CDKN3: variants seen among roughly 807,000 people sequenced by gnomAD.
CDKN3 encodes the protein cyclin dependent kinase inhibitor 3, also known as cyclin-dependent kinase inhibitor 3.
Under a neutral mutation model 36.1 loss-of-function variants are expected in CDKN3, and 19 were observed. That is an observed-to-expected ratio of 0.53 (90% confidence interval 0.37 to 0.77). The LOEUF is 0.77. CDKN3 is among the 30% of genes least tolerant of loss of function. CDKN3 has a pLI of 0.00. For synonymous variants in CDKN3, 71 were observed against 85.3 expected (o/e 0.83, Z 0.92); for missense variants, 188 against 248.6 (o/e 0.76, Z 1.64).
rs144464160 is a variant in CDKN3 at position 54,417,930 on chromosome 14, C to T, written c.531C>T (p.Ser177=). 80 of 1,588,258 alleles carry T rather than the reference C, an allele frequency of 5.0e-5. No homozygotes were observed. In the African/African-American group the frequency reaches 5.5e-4, roughly 11 times the overall value. Residue 177 remains serine (S), a synonymous_variant, in exon 7 of 8, where the codon TCC becomes TCT. Coordinates refer to ENST00000335183, the MANE Select transcript of CDKN3 (RefSeq NM_005192.4). ...ACAGCCTGCGAGACCTAAGAGGATCCGGGGCAATACAGACCATCAAGGTGA... is the reference window on the plus strand; with the variant it reads ...ACAGCCTGCGAGACCTAAGAGGATCTGGGGCAATACAGACCATCAAGGTGA... ...AIDSLRDLRG[S]GAIQTIKQYN...
At chr14:54,398,740 G>GT (rs1162130726) in intron 1 of CDKN3, among the ~76,000 whole-genome samples, 1 of 152,122 alleles carries the variant, frequency 6.6e-6, no homozygotes, top group Non-Finnish European at 1.5e-5. Context: ...GCAGGATTAA[G>GT]TTCCAACTGC....
intron 6 of CDKN3, among the ~76,000 whole-genome samples, chr14:54,416,931 G>A (rs1415506128): frequency 6.6e-6 from 1 of 152,232 alleles, no homozygotes. Context: ...ATGAGAAGAT[G>A]CTCAACATCA....
intron 7 of CDKN3, 96 bp downstream of exon 7, chr14:54,418,047 A>G: frequency 1.4e-6 from 1 of 716,974 alleles, no homozygotes; most frequent in Non-Finnish European, 2.5e-6. Flanking sequence ...GAAAATCCAA[A>G]AGGGCAGTGA....
At chr14:54,408,698 A>G (rs763588782) in intron 3 of CDKN3, 47 bp from the exon 4 acceptor site, 1 of 1,546,718 alleles carries the variant, frequency 6.5e-7, no homozygotes, top group Non-Finnish European at 8.7e-7. Flanking sequence ...TACCTGTTAC[A>G]TATGACGAAA....
chr14:54,418,995 C>A (rs142484066), intron 7 of CDKN3, among the ~76,000 whole-genome samples: 1 of 152,060 alleles, frequency 6.6e-6, no homozygotes, highest in African/African-American at 2.4e-5. Context: ...CTTGTCCCTA[C>A]TAAAAATACA....
At chr14:54,406,264 C>T (rs1189452965) in intron 3 of CDKN3, among the ~76,000 whole-genome samples, 7 of 152,168 alleles carry the variant, frequency 4.6e-5, no homozygotes, top group Non-Finnish European at 4.4e-5. Flanking sequence ...TCTGGCTGCT[C>T]TTTACATTTT....
chr14:54,418,856 T>C (rs1025477698), intron 7 of CDKN3, among the ~76,000 whole-genome samples: 18 of 122,098 alleles, frequency 1.5e-4, no homozygotes, highest in Non-Finnish European at 2.5e-4. Flanking sequence ...CAACTCTCTT[T>C]ATGTTAAAAA....
chr14:54,398,084 T>G (rs989584415), intron 1 of CDKN3, among the ~76,000 whole-genome samples: 1 of 152,124 alleles, frequency 6.6e-6, no homozygotes, highest in Non-Finnish European at 1.5e-5. Context: ...TGAGCGGATA[T>G]CACGCCACTG....
intron 3 of CDKN3, among the ~76,000 whole-genome samples, chr14:54,407,490 T>C (rs1486925800): frequency 1.3e-5 from 2 of 152,218 alleles, no homozygotes; most frequent in Admixed American, 6.5e-5. Context: ...GAAGGGAGTT[T>C]ATCTATAAGC....
intron 4 of CDKN3, among the ~76,000 whole-genome samples, chr14:54,409,678 C>G (rs2030284253): frequency 6.6e-6 from 1 of 151,794 alleles, no homozygotes; most frequent in African/African-American, 2.4e-5. Context: ...GCAAAAAATA[C>G]AAAAATTAAC....
chr14:54,405,300 G>C (rs983065126), intron 3 of CDKN3, among the ~76,000 whole-genome samples: 1 of 152,226 alleles, frequency 6.6e-6, no homozygotes, highest in African/African-American at 2.4e-5. Flanking sequence ...GTGGTGCTGA[G>C]AAGAATGTAT....
rs1254782173 is a variant in CDKN3, at chr14:54,397,054, G to T, written c.-15G>T. On this transcript the variant is annotated 5_prime_UTR_variant, in exon 1 of 8. Coordinates refer to ENST00000335183, the MANE Select transcript of CDKN3 (RefSeq NM_005192.4). ...AGAGGGAGGCGGCACTGGTCTCGAC[G>T]TGGGGCGGCCAGCGATGAAGCCGGT... 11 of 1,499,970 alleles carry T rather than the reference G, an allele frequency of 7.3e-6. No homozygotes were observed. The South Asian group carries it at 8.9e-5, about 12-fold the overall frequency. 92.9% of individuals were successfully genotyped at this position (1,499,970 alleles called of 1,614,324 possible).
At chr14:54,401,665 G>A (rs2029946246) in intron 3 of CDKN3, 86 bp downstream of exon 3, 1 of 981,788 alleles carries the variant, frequency 1.0e-6, no homozygotes, top group Admixed American at 2.4e-5. Flanking sequence ...GGGGACAGGT[G>A]GTGTTTGGTT....
intron 3 of CDKN3, among the ~76,000 whole-genome samples, chr14:54,403,829 T>C (rs1164861384): frequency 6.6e-6 from 1 of 152,204 alleles, no homozygotes; most frequent in Non-Finnish European, 1.5e-5. Flanking sequence ...GTTTATGTGA[T>C]GGATTATATT....
rs774274242 is a variant in CDKN3, at chr14:54,401,537, C to T, written c.106C>T (p.Arg36Ter). The change falls in exon 3 of 8, where the codon CGA (arginine) becomes TGA (stop). Residue 36 changes from arginine (R) to a stop codon, truncating the protein, a stop_gained. Transcript: ENST00000335183. LOFTEE classifies it high-confidence loss of function. Reference sequence around the variant, plus strand: ...TCTTCTTTTCAGGCTATCTTTGTCACGAGTGAATTGTTCTCAGTTTCTCGG... The same window carrying T: ...TCTTCTTTTCAGGCTATCTTTGTCATGAGTGAATTGTTCTCAGTTTCTCGG... ...PIHISWLSLS[R>*]VNCSQFLGLC... 8 of 1,609,194 alleles carry T rather than the reference C, an allele frequency of 5.0e-6. No homozygotes were observed. The highest frequency in any genetic ancestry group is 1.7e-4 in the Middle Eastern group (1 of 6,042).
In CDKN3 at chr14:54,401,679, T is replaced by C. The variant is rs537508128; in HGVS notation, c.148+100T>C. 1.9e-5 allele frequency: 17 copies of C among 873,868 alleles called. No homozygotes were observed. In the East Asian group the frequency reaches 4.5e-4, roughly 23 times the overall value. The allele number at this position is 873,868 out of a possible 1,614,324, so 54.1% of individuals were successfully genotyped here. ...GGGGGACAGGTGGTGTTTGGTTACATAAATAAGTTCTTTAGTGGCAATTTC... is the reference window on the plus strand; with the variant it reads ...GGGGGACAGGTGGTGTTTGGTTACACAAATAAGTTCTTTAGTGGCAATTTC... On this transcript the variant is annotated intron_variant, in intron 3 of 7. Transcript: ENST00000335183.
At chr14:54,400,943 TA>T (rs1177140760) in intron 2 of CDKN3, among the ~76,000 whole-genome samples, 1 of 152,234 alleles carries the variant, frequency 6.6e-6, no homozygotes, top group African/African-American at 2.4e-5. Flanking sequence ...AAGTTCTATT[TA>T]AAAATCTTAA....
At position 54,403,870 on chromosome 14, in the gene CDKN3, C is replaced by T. The variant is rs138780489; in HGVS notation, c.148+2291C>T. 7.0e-3 allele frequency among the ~76,000 whole-genome samples: 1,060 copies of T among 152,246 alleles called. 9 individuals are homozygous for T. Among genetic ancestry groups the T allele is most frequent in the African/African-American group, 0.022 (916 of 41,538 alleles). ...ATTTGCATATGTTGAACCAACCTTG[C>T]GTCCCAGGGATGAAGCTGACTTGAT... On this transcript the variant is annotated intron_variant, in intron 3 of 7. Transcript: ENST00000335183.
At chr14:54,410,323 G>A (rs529969051) in intron 4 of CDKN3, among the ~76,000 whole-genome samples, 1 of 152,218 alleles carries the variant, frequency 6.6e-6, no homozygotes, top group Admixed American at 6.5e-5. Context: ...TGTACAAAAG[G>A]CAAATAGATG....
Sources: gnomAD v4.1 joint callset for allele counts (sites outside exome capture counted in the v4.1 genomes callset) on GRCh38, gnomAD v4.1.1 for gene constraint, MANE v1.5 for transcripts, NCBI Gene and HGNC (gene_info 2026-07-23, HGNC 2026-07-21) for gene names.